The following BLTP1 variants were observed in gnomAD, a reference collection of about 807,000 sequenced individuals.
BLTP1 encodes bridge-like lipid transfer protein family member 1, also known as fragile site-associated protein.
the BLTP1 span, among the ~76,000 whole-genome samples, chr4:122,281,042 C>T: frequency 1.3e-5 from 2 of 152,152 alleles, no homozygotes; most frequent in Non-Finnish European, 2.9e-5. Flanking sequence ...TATGCTTCCT[C>T]ATTTTGCAAC....
the BLTP1 span, among the ~76,000 whole-genome samples, chr4:122,285,153 A>C: frequency 2.0e-5 from 3 of 152,208 alleles, no homozygotes; most frequent in Non-Finnish European, 4.4e-5. Context: ...AGAAACAGCA[A>C]GTCGAAAGCC....
At chr4:122,289,686 A>G in the BLTP1 span, 1 of 965,298 alleles carries the variant, frequency 1.0e-6, no homozygotes, top group East Asian at 1.1e-4. Flanking sequence ...TTAGGGTGAA[A>G]AGTTGACTGT....
chr4:122,310,993 T>A, the BLTP1 span: 1 of 600,008 alleles, frequency 1.7e-6, no homozygotes, highest in Non-Finnish European at 2.1e-6. Context: ...TAAAAATCAC[T>A]AAAACATATC....
At chr4:122,280,078 A>C in the BLTP1 span, 56 of 1,581,510 alleles carry the variant, frequency 3.5e-5, no homozygotes, top group Non-Finnish European at 4.7e-5. Flanking sequence ...ATGAAGGGTT[A>C]CTTCTAAGTA....
the BLTP1 span, among the ~76,000 whole-genome samples, chr4:122,241,951 C>T: frequency 6.6e-6 from 1 of 151,980 alleles, no homozygotes; most frequent in Non-Finnish European, 1.5e-5. Flanking sequence ...GAACATAGGC[C>T]ATTGTCAGAA....
chr4:122,264,006 A>G, the BLTP1 span: 36 of 669,144 alleles, frequency 5.4e-5, no homozygotes, highest in Non-Finnish European at 5.7e-5. Context: ...AATTAAATCT[A>G]AAACAGTATG....
the BLTP1 span, chr4:122,225,020 A>G: frequency 1.0e-6 from 1 of 1,001,518 alleles, no homozygotes; most frequent in Non-Finnish European, 1.2e-6. Flanking sequence ...TTGTTGGAAA[A>G]ATCTTATTTT....
At chr4:122,204,127 T>C in the BLTP1 span, among the ~76,000 whole-genome samples, 2 of 151,890 alleles carry the variant, frequency 1.3e-5, no homozygotes, top group Non-Finnish European at 2.9e-5. Context: ...TTTTGTATTA[T>C]TTGTCTCAAG....
chr4:122,236,040 T>G, the BLTP1 span, among the ~76,000 whole-genome samples: 4 of 152,356 alleles, frequency 2.6e-5, no homozygotes, highest in South Asian at 8.3e-4. Context: ...TAGAAAAGTC[T>G]TGATACTTCA....
At chr4:122,223,582 G>A in the BLTP1 span, among the ~76,000 whole-genome samples, 4 of 152,292 alleles carry the variant, frequency 2.6e-5, no homozygotes, top group South Asian at 4.1e-4. Context: ...TGTAAAAAGC[G>A]CCACAAGGTG....
At chr4:122,333,619 C>G in the BLTP1 span, 1 of 1,568,968 alleles carries the variant, frequency 6.4e-7, no homozygotes, top group Non-Finnish European at 8.6e-7. Context: ...GAACATTTTT[C>G]TGTTCACAGG....
the BLTP1 span, chr4:122,239,695 G>A: frequency 1.1e-5 from 18 of 1,614,086 alleles, no homozygotes; most frequent in Non-Finnish European, 1.5e-5. Flanking sequence ...GTAACAGTTG[G>A]AGTCCAGTTT....
the BLTP1 span, among the ~76,000 whole-genome samples, chr4:122,257,916 G>A: frequency 2.0e-5 from 3 of 152,108 alleles, no homozygotes; most frequent in East Asian, 3.8e-4. Flanking sequence ...TAAGTAGAAC[G>A]TTTTGAATGA....
the BLTP1 span, chr4:122,255,189 G>T: frequency 1.2e-6 from 2 of 1,611,812 alleles, no homozygotes; most frequent in African/African-American, 1.3e-5. Flanking sequence ...AAAGTTGCTC[G>T]CTTTCTCCAA....
the BLTP1 span, among the ~76,000 whole-genome samples, chr4:122,284,321 C>T: frequency 3.3e-5 from 5 of 152,036 alleles, no homozygotes; most frequent in African/African-American, 1.2e-4. Context: ...TGGTGCTTGC[C>T]TTGTCTGATT....
chr4:122,337,841 A>G, the BLTP1 span, among the ~76,000 whole-genome samples: 1 of 148,482 alleles, frequency 6.7e-6, no homozygotes, highest in South Asian at 2.1e-4. Context: ...TATATACTAT[A>G]CCAAATATAT....
the BLTP1 span, chr4:122,164,431 C>A: frequency 2.0e-6 from 2 of 984,974 alleles, no homozygotes; most frequent in Non-Finnish European, 2.4e-6. Flanking sequence ...CTCCTTCCCC[C>A]AGAATCTCCT....
the BLTP1 span, among the ~76,000 whole-genome samples, chr4:122,217,412 A>T: frequency 6.6e-6 from 1 of 151,800 alleles, no homozygotes; most frequent in Admixed American, 6.6e-5. Context: ...TAGTATTTTA[A>T]TGGGAATTGC....
the BLTP1 span, among the ~76,000 whole-genome samples, chr4:122,155,483 C>G: frequency 6.6e-6 from 1 of 152,046 alleles, no homozygotes; most frequent in African/African-American, 2.4e-5. Flanking sequence ...GCCACCACGC[C>G]TGGCCAATTT....
Sources: gnomAD v4.1 joint callset for allele counts (sites outside exome capture counted in the v4.1 genomes callset) on GRCh38, gnomAD v4.1.1 for gene constraint, MANE v1.5 for transcripts, NCBI Gene and HGNC (gene_info 2026-07-23, HGNC 2026-07-21) for gene names.